SCFD2: variants seen among roughly 807,000 people sequenced by gnomAD.
The protein encoded by SCFD2 is sec1 family domain containing 2.
In SCFD2, 54 loss-of-function variants were observed where a neutral mutation model predicts 58.9. That is an observed-to-expected ratio of 0.92 (90% CI 0.74 to 1.15). The LOEUF (loss-of-function observed/expected upper bound fraction) is 1.15. SCFD2 is among the 50% of genes most tolerant of loss of function. The pLI is 0.00. For synonymous variants in SCFD2, 321 were observed against 335.9 expected (o/e 0.96, Z 0.49); for missense variants, 805 against 836.6 (o/e 0.96, Z 0.47).
chr4:53,013,051 C>T (rs911775842), intron 5 of SCFD2, among the ~76,000 whole-genome samples: 2 of 152,248 alleles, frequency 1.3e-5, no homozygotes, highest in South Asian at 2.1e-4. Context: ...CTCCAAATGG[C>T]GGCCTCACTG....
chr4:53,041,125 A>C (rs575680173), intron 5 of SCFD2, among the ~76,000 whole-genome samples: 326 of 152,296 alleles, frequency 2.1e-3, no homozygotes, highest in Non-Finnish European at 3.7e-3. Flanking sequence ...TATAAAACAT[A>C]TCTCTCAGAA....
intron 4 of SCFD2, among the ~76,000 whole-genome samples, chr4:53,245,556 C>T (rs1335637429): frequency 6.6e-6 from 1 of 152,172 alleles, no homozygotes; most frequent in Non-Finnish European, 1.5e-5. Context: ...TAAAATTCAA[C>T]ATCCCTTCAT....
At chr4:52,960,998 T>C (rs1452075395) in intron 5 of SCFD2, among the ~76,000 whole-genome samples, 1 of 152,186 alleles carries the variant, frequency 6.6e-6, no homozygotes, top group East Asian at 1.9e-4. Context: ...AAGTGGGACC[T>C]GAGCGGGACC....
At chr4:53,168,619 G>A (rs1220171631) in intron 4 of SCFD2, among the ~76,000 whole-genome samples, 1 of 152,120 alleles carries the variant, frequency 6.6e-6, no homozygotes, top group Non-Finnish European at 1.5e-5. Context: ...TTTTATTATA[G>A]ATTGATATAT....
At chr4:53,017,393 C>CA (rs1252361469) in intron 5 of SCFD2, among the ~76,000 whole-genome samples, 2 of 152,146 alleles carry the variant, frequency 1.3e-5, no homozygotes, top group African/African-American at 2.4e-5. Flanking sequence ...TGAGGTAACT[C>CA]ACCCAAAGTT....
At chr4:53,135,531 C>T (rs1405525133) in intron 5 of SCFD2, among the ~76,000 whole-genome samples, 9 of 152,064 alleles carry the variant, frequency 5.9e-5, no homozygotes, top group Non-Finnish European at 1.3e-4. Context: ...GTCAAGAGAT[C>T]AGAGATCGAG....
intron 5 of SCFD2, among the ~76,000 whole-genome samples, chr4:53,029,411 T>C (rs1722560925): frequency 1.3e-5 from 2 of 152,306 alleles, no homozygotes; most frequent in South Asian, 2.1e-4. Context: ...GAAAGCAAGA[T>C]AGAAGCTCTA....
At position 53,015,482 on chromosome 4, in the gene SCFD2, G is replaced by T. The variant is rs188340670; in HGVS notation, c.1562-94612C>A. Among the ~76,000 whole-genome samples, 3 of 152,274 alleles carry T rather than the reference G, an allele frequency of 2.0e-5. No individual in the cohort carries two copies. The East Asian group carries it at 5.8e-4, about 29-fold the overall frequency. ...AAACGAACCTTTGGAAGAAGCAGCA[G>T]GAGAATCAGGGCAAGCTTCCCAGGA... On this transcript the variant is annotated intron_variant, in intron 5 of 8. Coordinates refer to ENST00000401642, the MANE Select transcript of SCFD2 (RefSeq NM_152540.4).
chr4:53,269,851 C>A (rs1731105974), intron 4 of SCFD2, among the ~76,000 whole-genome samples: 1 of 152,146 alleles, frequency 6.6e-6, no homozygotes, highest in Non-Finnish European at 1.5e-5. Flanking sequence ...ATGGCGAAAT[C>A]CTATCTCTAC....
intron 5 of SCFD2, among the ~76,000 whole-genome samples, chr4:53,055,940 G>A (rs780086525): frequency 3.3e-5 from 5 of 152,122 alleles, no homozygotes; most frequent in Non-Finnish European, 7.4e-5. Flanking sequence ...TCTTAGAGAT[G>A]CTTCATGTGG....
intron 5 of SCFD2, among the ~76,000 whole-genome samples, chr4:52,958,816 A>G (rs115212287): frequency 0.015 from 2,235 of 152,306 alleles, 17 homozygotes; most frequent in Middle Eastern, 0.044. Context: ...AAAGCTCTAC[A>G]GGTAAATACG....
intron 5 of SCFD2, chr4:52,948,389 A>T (rs1471719516): frequency 6.3e-6 from 2 of 319,808 alleles, no homozygotes; most frequent in Non-Finnish European, 1.3e-5. Context: ...GATTTCAGTC[A>T]AAGGGCCTGG....
At chr4:53,301,083 A>G (rs1336087208) in intron 3 of SCFD2, among the ~76,000 whole-genome samples, 1 of 152,202 alleles carries the variant, frequency 6.6e-6, no homozygotes, top group Non-Finnish European at 1.5e-5. Flanking sequence ...AGCAGAAGGC[A>G]AGAAATAACT....
chr4:53,025,550 C>CA (rs34959963), intron 5 of SCFD2, among the ~76,000 whole-genome samples: 149,069 of 152,306 alleles, frequency 0.98, 73,035 homozygotes, highest in Middle Eastern at 1. Context: ...TTTTCACTGC[C>CA]AAGTAGGACT....
chr4:53,050,644 CA>C (rs1723164612), intron 5 of SCFD2, among the ~76,000 whole-genome samples: 1 of 152,182 alleles, frequency 6.6e-6, no homozygotes, highest in Non-Finnish European at 1.5e-5. Context: ...CATTCCAACC[CA>C]TTCTCCACAT....
Position 53,102,673 on chromosome 4 carries a change from A to G in SCFD2, c.1561+42660T>C, listed in dbSNP as rs566418382. On this transcript the variant is annotated intron_variant, in intron 5 of 8. Coordinates refer to ENST00000401642, the MANE Select transcript of SCFD2 (RefSeq NM_152540.4). Reference sequence around the variant, plus strand: ...GAAAATTCATATTAAAATTATATTGAAAACAATTTCTCATCCATCAGTTTG... The same window carrying G: ...GAAAATTCATATTAAAATTATATTGGAAACAATTTCTCATCCATCAGTTTG... Among the ~76,000 whole-genome samples, 5 of 152,246 alleles carry G rather than the reference A, an allele frequency of 3.3e-5. No homozygotes were observed. The East Asian group carries it at 5.8e-4, about 18-fold the overall frequency.
chr4:52,906,294 A>G (rs780895404), intron 7 of SCFD2, among the ~76,000 whole-genome samples: 3 of 152,228 alleles, frequency 2.0e-5, no homozygotes, highest in Non-Finnish European at 4.4e-5. Flanking sequence ...TCCACACTTG[A>G]TATTTTAGTC....
chr4:53,089,015 A>G (rs568687689), intron 5 of SCFD2, among the ~76,000 whole-genome samples: 1 of 152,234 alleles, frequency 6.6e-6, no homozygotes, highest in South Asian at 2.1e-4. Context: ...TACTTCTTCT[A>G]TCATGTGAGA....
chr4:53,034,166 A>G (rs747337740), intron 5 of SCFD2, among the ~76,000 whole-genome samples: 13 of 152,350 alleles, frequency 8.5e-5, no homozygotes, highest in Middle Eastern at 3.4e-3. Context: ...AACATATGCA[A>G]ATCAATAAAC....
Sources: gnomAD v4.1 joint callset for allele counts (sites outside exome capture counted in the v4.1 genomes callset) on GRCh38, gnomAD v4.1.1 for gene constraint, MANE v1.5 for transcripts, NCBI Gene and HGNC (gene_info 2026-07-23, HGNC 2026-07-21) for gene names.